The following APBA2 variants were observed in gnomAD, a reference collection of about 807,000 sequenced individuals.
APBA2 encodes the protein amyloid beta precursor protein binding family A member 2.
Under a neutral mutation model 75.0 loss-of-function variants are expected in APBA2, and 30 were observed. The ratio of observed to expected loss-of-function variants is 0.40; its 90% confidence interval spans 0.30 to 0.54. The LOEUF (loss-of-function observed/expected upper bound fraction) is 0.54. APBA2 is among the 20% of genes least tolerant of loss of function. The pLI is 0.49. For synonymous variants in APBA2, 444 were observed against 409.6 expected, an observed-to-expected ratio of 1.08 and a Z score of -1.01; for missense variants, 801 against 1,016.1, an observed-to-expected ratio of 0.79 and a Z score of 2.88.
chr15:28,988,271 T>C (rs1244084299), intron 2 of APBA2, among the ~76,000 whole-genome samples: 1 of 151,374 alleles, frequency 6.6e-6, no homozygotes, highest in Non-Finnish European at 1.5e-5. Context: ...AGTGTGCCTT[T>C]TTTTTTTTTT....
At chr15:28,934,901 G>A (rs910671483) in intron 2 of APBA2, among the ~76,000 whole-genome samples, 2 of 152,198 alleles carry the variant, frequency 1.3e-5, no homozygotes, top group Non-Finnish European at 2.9e-5. Context: ...CCCTGAACTG[G>A]GATAGAGCCC....
chr15:28,907,499 CCAGGCAGAG>C (rs1777457733), intron 1 of APBA2, among the ~76,000 whole-genome samples: 1 of 152,190 alleles, frequency 6.6e-6, no homozygotes, highest in Non-Finnish European at 1.5e-5. Context: ...TCAGCAGGAG[CCAGGCAGAG>C]CAGCTGTCCG....
At chr15:29,059,747 T>A (rs1378513338) in intron 4 of APBA2, among the ~76,000 whole-genome samples, 3 of 152,184 alleles carry the variant, frequency 2.0e-5, no homozygotes, top group African/African-American at 7.2e-5. Context: ...TCAGTATTCA[T>A]CAACTCAGTG....
chr15:29,106,964 C>G, intron 12 of APBA2, 145 bp downstream of exon 12: 2 of 737,356 alleles, frequency 2.7e-6, no homozygotes, highest in South Asian at 3.5e-5. Context: ...GGTGACTGGT[C>G]GATGATGGTA....
intron 2 of APBA2, among the ~76,000 whole-genome samples, chr15:28,955,095 C>G (rs1459248817): frequency 6.6e-6 from 1 of 152,072 alleles, no homozygotes; most frequent in African/African-American, 2.4e-5. Context: ...GTGAACAGAG[C>G]CTAGAATTAT....
At chr15:29,113,114 C>T (rs1319360614) in intron 13 of APBA2, among the ~76,000 whole-genome samples, 5 of 152,134 alleles carry the variant, frequency 3.3e-5, no homozygotes, top group Non-Finnish European at 7.3e-5. Flanking sequence ...CTGTCACCCT[C>T]GGCTGTTGTG....
At chr15:29,052,454 CAA>C (rs61521872) in intron 3 of APBA2, among the ~76,000 whole-genome samples, 10 of 103,134 alleles carry the variant, frequency 9.7e-5, no homozygotes, top group Middle Eastern at 4.0e-3. Flanking sequence ...GACTCCATCT[CAA>C]AAAAAAAAAA....
At chr15:29,064,183 G>A (rs1296173648) in intron 4 of APBA2, among the ~76,000 whole-genome samples, 1 of 152,166 alleles carries the variant, frequency 6.6e-6, no homozygotes, top group Non-Finnish European at 1.5e-5. Flanking sequence ...TAGGCAAGCT[G>A]GGCCTGGGAC....
At chr15:28,940,285 G>A (rs985313692) in intron 2 of APBA2, among the ~76,000 whole-genome samples, 2 of 149,062 alleles carry the variant, frequency 1.3e-5, no homozygotes, top group Non-Finnish European at 3.0e-5. Context: ...GGCCGAGGCA[G>A]GTGGATCATG....
chr15:29,103,642 G>T (rs1161462496), intron 10 of APBA2, among the ~76,000 whole-genome samples: 1 of 152,204 alleles, frequency 6.6e-6, no homozygotes, highest in Non-Finnish European at 1.5e-5. Flanking sequence ...AGCTTCCGCG[G>T]GGGCGGAGGA....
rs537498323 is a variant in APBA2, at chr15:29,079,356, G to A, written c.1069+3265G>A. Among the ~76,000 whole-genome samples the A allele has an allele frequency of 7.2e-5, 11 of 152,278 alleles. No individual in the cohort carries two copies. The East Asian group carries it at 9.7e-4, about 13-fold the overall frequency. On this transcript the variant is annotated intron_variant, in intron 6 of 14. Coordinates refer to ENST00000683413, the MANE Select transcript of APBA2 (RefSeq NM_001353788.2). Reference sequence around the variant, plus strand: ...CAGAGAGTCCAGGAGGCAAACTGGCGTCTGTCTTGTTCCCTTGGAGTAGAC... The same window carrying A: ...CAGAGAGTCCAGGAGGCAAACTGGCATCTGTCTTGTTCCCTTGGAGTAGAC...
intron 2 of APBA2, among the ~76,000 whole-genome samples, chr15:28,983,437 T>C (rs540410837): frequency 3.9e-5 from 6 of 152,320 alleles, no homozygotes; most frequent in African/African-American, 2.4e-5. Context: ...TTTGGGCCCA[T>C]GCGTGACAAT....
At chr15:28,899,395 G>A (rs2032711731) in intron 1 of APBA2, among the ~76,000 whole-genome samples, 1 of 152,252 alleles carries the variant, frequency 6.6e-6, no homozygotes, top group Admixed American at 6.5e-5. Context: ...ATAGGGCCAT[G>A]TCGCTGACTT....
intron 2 of APBA2, among the ~76,000 whole-genome samples, chr15:28,951,828 G>A (rs1015311629): frequency 7.6e-5 from 11 of 145,212 alleles, no homozygotes; most frequent in Admixed American, 1.4e-4. Context: ...TGATCCATCC[G>A]CCTTGGCCTC....
chr15:28,983,365 G>A (rs1037029099), intron 2 of APBA2, among the ~76,000 whole-genome samples: 3 of 152,126 alleles, frequency 2.0e-5, no homozygotes, highest in African/African-American at 4.8e-5. Context: ...TGTGTGTGGC[G>A]GGAGAGTAAT....
intron 3 of APBA2, among the ~76,000 whole-genome samples, chr15:29,028,506 C>T (rs554265010): frequency 1.3e-5 from 2 of 152,216 alleles, no homozygotes; most frequent in South Asian, 4.1e-4. Context: ...ATTTATTTTC[C>T]TTTGAGCCTA....
chr15:29,049,999 G>A (rs755562499), intron 3 of APBA2, among the ~76,000 whole-genome samples: 11 of 152,038 alleles, frequency 7.2e-5, no homozygotes, highest in Non-Finnish European at 1.3e-4. Context: ...GACTTGATTC[G>A]GAAAGGGCTC....
At chr15:28,962,040 C>A (rs1449872356) in intron 2 of APBA2, among the ~76,000 whole-genome samples, 1 of 152,012 alleles carries the variant, frequency 6.6e-6, no homozygotes, top group Non-Finnish European at 1.5e-5. Context: ...AATTTGTTTC[C>A]CATGACCTTC....
chr15:28,955,709 A>T (rs1235211411), intron 2 of APBA2, among the ~76,000 whole-genome samples: 1 of 152,072 alleles, frequency 6.6e-6, no homozygotes, highest in Non-Finnish European at 1.5e-5. Flanking sequence ...GCAGGAACAT[A>T]TGAGTGATTT....
Sources: allele counts gnomAD v4.1 joint callset (sites outside exome capture counted in the v4.1 genomes callset), GRCh38; gene constraint gnomAD v4.1.1; transcripts MANE v1.5; gene names NCBI Gene and HGNC (gene_info 2026-07-23, HGNC 2026-07-21).